The following REELD1 variants were observed in gnomAD, a reference collection of about 807,000 sequenced individuals.
REELD1 encodes reeler domain containing 1, also known as reelin domain-containing protein 1.
Under a neutral mutation model 6.3 loss-of-function variants are expected in REELD1, and 12 were observed. The observed-to-expected ratio is 1.89, with a 90% CI of 1.21 to 3.07. REELD1 has a LOEUF of 3.07. REELD1 is among the 30% of genes most tolerant of loss of function. REELD1 has a pLI of 0.00. For missense variants in REELD1, 163 were observed against 86.8 expected, an observed-to-expected ratio of 1.88 and a Z score of -3.49; for synonymous variants, 57 against 33.6, an observed-to-expected ratio of 1.70 and a Z score of -2.42.
chr4:146,215,810 G>A lies in REELD1; in HGVS notation c.-12+612G>A, dbSNP rs538883593. ...CTTTTGCCCAGGCTGGAGTGCAATGGCATGATCTCAGCTCACTGCAACCTT... is the reference window on the plus strand; with the variant it reads ...CTTTTGCCCAGGCTGGAGTGCAATGACATGATCTCAGCTCACTGCAACCTT... On this transcript the variant is annotated intron_variant, in intron 2 of 7. Coordinates refer to ENST00000623665, the MANE Select transcript of REELD1 (RefSeq NM_001354631.1). 1.4e-3 allele frequency among the ~76,000 whole-genome samples: 208 copies of A among 150,804 alleles called. 1 individual carries two copies. Among genetic ancestry groups the A allele is most frequent in the African/African-American group, 5.0e-3 (203 of 40,926 alleles).
Position 146,231,153 on chromosome 4 carries a change from A to C in REELD1, c.*640A>C, listed in dbSNP as rs193281578. ...AGTTTTTGAGAGCTTGATTGAACAC[A>C]TCTTCAGGAAAACATATACATGCAA... On this transcript the variant is annotated 3_prime_UTR_variant, in exon 8 of 8. Coordinates refer to ENST00000623665, the MANE Select transcript of REELD1 (RefSeq NM_001354631.1). Among the ~76,000 whole-genome samples the C allele has an allele frequency of 6.6e-6, 1 of 152,314 alleles. No homozygotes were observed.
intron 3 of REELD1, among the ~76,000 whole-genome samples, chr4:146,220,047 A>G (rs537685743): frequency 5.9e-5 from 9 of 152,184 alleles, no homozygotes; most frequent in African/African-American, 1.4e-4. Flanking sequence ...GGGTCATGCC[A>G]TTCTCCTGCC....
chr4:146,228,841 G>A (rs1453870231), intron 6 of REELD1, among the ~76,000 whole-genome samples, 184 bp from the exon 7 acceptor site: 1 of 152,124 alleles, frequency 6.6e-6, no homozygotes, highest in African/African-American at 2.4e-5. Flanking sequence ...ACAGCATTTG[G>A]TGAGTTCTTT....
At chr4:146,227,235 G>A (rs141973224) in intron 5 of REELD1, among the ~76,000 whole-genome samples, 53 of 152,320 alleles carry the variant, frequency 3.5e-4, no homozygotes, top group African/African-American at 1.2e-3. Flanking sequence ...GTTCAGGCAG[G>A]AATTTGAAAC....
At chr4:146,229,303 T>C (rs1433964602) in intron 7 of REELD1, among the ~76,000 whole-genome samples, 3 of 152,258 alleles carry the variant, frequency 2.0e-5, no homozygotes, top group South Asian at 2.1e-4. Context: ...ATTGATGTTT[T>C]AGTGACTTGT....
intron 2 of REELD1, among the ~76,000 whole-genome samples, chr4:146,215,904 C>G (rs185595786): frequency 6.6e-6 from 1 of 152,036 alleles, no homozygotes; most frequent in Non-Finnish European, 1.5e-5. Context: ...GCACATGCCA[C>G]CACACCCAGC....
intron 3 of REELD1, among the ~76,000 whole-genome samples, chr4:146,217,758 C>T (rs1730852058): frequency 6.6e-6 from 1 of 152,146 alleles, no homozygotes; most frequent in Non-Finnish European, 1.5e-5. Context: ...CATGTATCAT[C>T]TATGTGTGTG....
intron 3 of REELD1, among the ~76,000 whole-genome samples, chr4:146,219,908 A>C (rs1039161607): frequency 2.0e-5 from 3 of 152,134 alleles, no homozygotes; most frequent in African/African-American, 7.2e-5. Context: ...AGACTGATAT[A>C]TTTTATTGGA....
At chr4:146,217,916 A>G (rs1730854569) in intron 3 of REELD1, among the ~76,000 whole-genome samples, 2 of 152,262 alleles carry the variant, frequency 1.3e-5, no homozygotes, top group Non-Finnish European at 2.9e-5. Flanking sequence ...TACTTTAAAT[A>G]TATACAATTT....
rs569431054 is a variant in REELD1 at position 146,224,554 on chromosome 4, T to C, written c.541T>C (p.Leu181=). Residue 181 remains leucine (L), a synonymous_variant, in exon 5 of 8, where the codon TTG becomes CTG. Coordinates refer to ENST00000623665, the MANE Select transcript of REELD1 (RefSeq NM_001354631.1). Reference sequence around the variant, plus strand: ...TTCTGACGACCGCATGGAGCCCAGATTGCTGATGCCAAACCTTCACCAGAG... The same window carrying C: ...TTCTGACGACCGCATGGAGCCCAGACTGCTGATGCCAAACCTTCACCAGAG... ...AHSDDRMEPR[L]LMPNLHQRLG... The C allele has an allele frequency of 1.4e-4, 96 of 702,220 alleles. No individual in the cohort carries two copies. Among genetic ancestry groups the C allele is most frequent in the Middle Eastern group, 2.4e-4 (1 of 4,142 alleles). 43.5% of individuals were successfully genotyped at this position (702,220 alleles called of 1,614,324 possible).
At chr4:146,225,405 A>G (rs544038919) in intron 5 of REELD1, among the ~76,000 whole-genome samples, 1 of 152,268 alleles carries the variant, frequency 6.6e-6, no homozygotes, top group Admixed American at 6.5e-5. Flanking sequence ...ACTCTTTGCT[A>G]ATATGTTAAG....
intron 3 of REELD1, among the ~76,000 whole-genome samples, chr4:146,221,618 TGGGA>T (rs1015541206): frequency 1.3e-5 from 2 of 152,180 alleles, no homozygotes; most frequent in African/African-American, 4.8e-5. Context: ...ACCAGCACTT[TGGGA>T]GGCCGAGGAG....
In REELD1 at chr4:146,222,556, G is replaced by T; in HGVS notation, c.408G>T (p.Gln136His). Residue 136 changes from glutamine to histidine, a missense_variant, in exon 4 of 8, where the codon CAG becomes CAT. By Grantham distance (24) the Gln-to-His change is conservative. Transcript: ENST00000623665. Reference protein sequence around the residue: ...NLSFVWKAPAQPVGDIKFLLS... With the variant: ...NLSFVWKAPAHPVGDIKFLLS... ...CATTCGTGTGGAAGGCCCCAGCCCA[G>T]CCTGTGGGGGACATTAAGTTCCTGT... 1 of 398,658 alleles carries T rather than the reference G, an allele frequency of 2.5e-6. No homozygotes were observed. Among genetic ancestry groups the T allele is most frequent in the Non-Finnish European group, 4.4e-6 (1 of 226,094 alleles). The allele number at this position is 398,658 out of a possible 1,614,324, so 24.7% of individuals were successfully genotyped here. A position where few individuals can be genotyped will look rare whatever the true frequency, so the allele number is the denominator to read the frequency against.
chr4:146,220,757 G>A (rs1474037789), intron 3 of REELD1, among the ~76,000 whole-genome samples: 1 of 152,190 alleles, frequency 6.6e-6, no homozygotes, highest in African/African-American at 2.4e-5. Context: ...TCTGGTGAAG[G>A]GGAACAGAAT....
Position 146,230,097 on chromosome 4 carries a change from A to T in REELD1, c.1165A>T (p.Arg389Trp), listed in dbSNP as rs1272253205. The T allele has an allele frequency of 2.5e-6, 1 of 398,764 alleles. No individual in the cohort carries two copies. The highest frequency in any genetic ancestry group is 4.4e-6 in the Non-Finnish European group (1 of 226,282). The allele number at this position is 398,764 out of a possible 1,614,324, so 24.7% of individuals were successfully genotyped here. ...PAAGDQSEAS[R>W]ASASFLPQSK... is the part of the protein sequence containing the mutation. ...TGCTGGTGACCAGTCAGAGGCATCC[A>T]GGGCCTCTGCCAGCTTCTTACCTCA... The change falls in exon 8 of 8, where the codon AGG becomes TGG. Residue 389 changes from arginine (R) to tryptophan (W), a missense_variant. Arg to Trp is a moderately radical substitution (Grantham distance 101). Coordinates refer to ENST00000623665, the MANE Select transcript of REELD1 (RefSeq NM_001354631.1).
At chr4:146,223,046 G>A (rs1730951902) in intron 4 of REELD1, among the ~76,000 whole-genome samples, 1 of 152,182 alleles carries the variant, frequency 6.6e-6, no homozygotes, top group African/African-American at 2.4e-5. Flanking sequence ...GGTTGTATAT[G>A]GATGAGAGAG....
At position 146,224,461 on chromosome 4, in the gene REELD1, T is replaced by A. The variant is rs1730984175; in HGVS notation, c.448T>A (p.Ser150Thr). The A allele has an allele frequency of 1.5e-6, 1 of 657,358 alleles. No homozygotes were observed. The highest frequency in any genetic ancestry group is 1.8e-5 in the African/African-American group (1 of 55,928). 40.7% of individuals were successfully genotyped at this position (657,358 alleles called of 1,614,324 possible). Residue 150 changes from serine (S) to threonine (T), a missense_variant, in exon 5 of 8, where the codon TCA (serine) becomes ACA (threonine). Ser to Thr is a moderately conservative substitution (Grantham distance 58). Coordinates refer to ENST00000623665, the MANE Select transcript of REELD1 (RefSeq NM_001354631.1). ...DIKFLLSVVQ[S>T]YFVYWARIES... Reference sequence around the variant, plus strand: ...TTTCCCCAGTTTATCAGTAGTCCAGTCATATTTTGTTTACTGGGCAAGGAT... The same window carrying A: ...TTTCCCCAGTTTATCAGTAGTCCAGACATATTTTGTTTACTGGGCAAGGAT...
intron 3 of REELD1, among the ~76,000 whole-genome samples, chr4:146,220,109 AT>A (rs1434056408): frequency 6.6e-6 from 1 of 151,792 alleles, no homozygotes; most frequent in Non-Finnish European, 1.5e-5. Context: ...CACCTGGCTA[AT>A]TTTTTTGTTT....
At position 146,231,270 on chromosome 4, in the gene REELD1, A is replaced by C. The variant is rs1400970096; in HGVS notation, c.*757A>C. On this transcript the variant is annotated 3_prime_UTR_variant, in exon 8 of 8. Transcript: ENST00000623665. ...CTCCCATCCATTTACACTTGATGGA[A>C]ACATTCGTGTATCCCAACAGCTAGC... Among the ~76,000 whole-genome samples, 1 of 152,234 alleles carries C rather than the reference A, an allele frequency of 6.6e-6. No individual in the cohort carries two copies. Among genetic ancestry groups the C allele is most frequent in the African/African-American group, 2.4e-5 (1 of 41,454 alleles).
Sources: gnomAD v4.1 joint callset for allele counts (sites outside exome capture counted in the v4.1 genomes callset) on GRCh38, gnomAD v4.1.1 for gene constraint, MANE v1.5 for transcripts, NCBI Gene and HGNC (gene_info 2026-07-23, HGNC 2026-07-21) for gene names.